The following B3GALT1 variants were observed in gnomAD, a reference collection of about 807,000 sequenced individuals.
The protein encoded by B3GALT1 is beta-1,3-galactosyltransferase 1, also known as UDP-Gal:betaGlcNAc beta 1,3-galactosyltransferase, polypeptide 1.
B3GALT1 carries 10 observed loss-of-function variants against 23.2 expected under a neutral mutation model. That is an observed-to-expected ratio of 0.43 (90% CI 0.27 to 0.73). B3GALT1 has a LOEUF of 0.73. Among genes scored for constraint, B3GALT1 ranks in the 30% least tolerant of loss-of-function variants. The pLI is 0.21. For missense variants in B3GALT1, 299 were observed against 405.4 expected (o/e 0.74, Z 2.25); for synonymous variants, 156 against 141.5 (o/e 1.10, Z -0.73).
At chr2:167,458,312 A>T (rs1475552109) in intron 1 of B3GALT1, among the ~76,000 whole-genome samples, 1 of 152,228 alleles carries the variant, frequency 6.6e-6, no homozygotes, top group Non-Finnish European at 1.5e-5. Flanking sequence ...GCTAAATAAG[A>T]TTCCAGTGTA....
chr2:167,308,835 G>A (rs778150988), intron 1 of B3GALT1, among the ~76,000 whole-genome samples: 1 of 151,976 alleles, frequency 6.6e-6, no homozygotes, highest in East Asian at 1.9e-4. Context: ...CTTTTCATCT[G>A]TACGAAATCC....
intron 1 of B3GALT1, among the ~76,000 whole-genome samples, chr2:167,353,030 A>G (rs1380059560): frequency 6.6e-6 from 1 of 152,226 alleles, no homozygotes; most frequent in Non-Finnish European, 1.5e-5. Flanking sequence ...TAAGAGTGAG[A>G]AAGTAGAAGG....
chr2:167,806,948 A>T (rs527605098), intron 3 of B3GALT1, among the ~76,000 whole-genome samples: 1 of 152,182 alleles, frequency 6.6e-6, no homozygotes, highest in African/African-American at 2.4e-5. Flanking sequence ...CTGGTCCTGG[A>T]CTTTTTTTGG....
At chr2:167,461,204 G>A (rs917141076) in intron 1 of B3GALT1, among the ~76,000 whole-genome samples, 2 of 152,226 alleles carry the variant, frequency 1.3e-5, no homozygotes, top group Non-Finnish European at 2.9e-5. Context: ...CACAAGCCAT[G>A]TACCAATTGC....
intron 4 of B3GALT1, among the ~76,000 whole-genome samples, chr2:167,822,533 G>A (rs533793599): frequency 5.3e-5 from 8 of 152,150 alleles, no homozygotes; most frequent in Non-Finnish European, 1.2e-4. Context: ...CTTAAAGAAG[G>A]AGCACAGGAA....
At chr2:167,657,880 AC>A (rs1685982446) in intron 3 of B3GALT1, among the ~76,000 whole-genome samples, 1 of 152,152 alleles carries the variant, frequency 6.6e-6, no homozygotes, top group Admixed American at 6.5e-5. Context: ...TATTTTGATG[AC>A]CCAAGCATAC....
At chr2:167,778,216 T>C (rs1418028308) in intron 3 of B3GALT1, among the ~76,000 whole-genome samples, 1 of 152,164 alleles carries the variant, frequency 6.6e-6, no homozygotes, top group Non-Finnish European at 1.5e-5. Flanking sequence ...TCTCCTTAAC[T>C]CTGAATTGGT....
chr2:167,646,573 A>G (rs1685751558), intron 2 of B3GALT1, among the ~76,000 whole-genome samples: 2 of 152,192 alleles, frequency 1.3e-5, no homozygotes, highest in Admixed American at 6.5e-5. Flanking sequence ...TTCTAATGAT[A>G]CTTGTAGTCA....
intron 1 of B3GALT1, among the ~76,000 whole-genome samples, chr2:167,463,179 G>C (rs146889869): frequency 6.6e-6 from 1 of 151,838 alleles, no homozygotes; most frequent in African/African-American, 2.4e-5. Context: ...GGCAAAATTA[G>C]GACTTCATTG....
At chr2:167,780,009 T>A (rs1398262195) in intron 3 of B3GALT1, among the ~76,000 whole-genome samples, 1 of 152,216 alleles carries the variant, frequency 6.6e-6, no homozygotes, top group Admixed American at 6.5e-5. Flanking sequence ...CTAAAGCCAT[T>A]TGTTAACTGC....
chr2:167,733,583 C>A (rs1687443854), intron 3 of B3GALT1, among the ~76,000 whole-genome samples: 1 of 152,104 alleles, frequency 6.6e-6, no homozygotes, highest in South Asian at 2.1e-4. Flanking sequence ...AAATTGCCTA[C>A]AATTTGATTG....
chr2:167,484,710 GGCA>G, intron 1 of B3GALT1, among the ~76,000 whole-genome samples: 1 of 152,120 alleles, frequency 6.6e-6, no homozygotes, highest in Admixed American at 6.5e-5. Context: ...GGCAATAGGT[GGCA>G]AATGTTTCCT....
rs1365773645 is a variant in B3GALT1 at position 167,430,290 on chromosome 2, A to G, written c.-510-59887A>G. Among the ~76,000 whole-genome samples the G allele has an allele frequency of 2.0e-5, 3 of 152,290 alleles. No individual in the cohort carries two copies. The South Asian group carries it at 6.2e-4, about 32-fold the overall frequency. ...TGGCTGAAGAAAGGGAATTAGGAGG[A>G]GAGTGATAGATGAAGTCAAGGAGTT... On this transcript the variant is annotated intron_variant, in intron 1 of 4. Transcript: ENST00000392690.
chr2:167,691,170 G>C (rs1044237948), intron 3 of B3GALT1, among the ~76,000 whole-genome samples: 2 of 151,988 alleles, frequency 1.3e-5, no homozygotes, highest in African/African-American at 4.8e-5. Context: ...CTTATAAGTA[G>C]GTCTAGATCA....
rs530013511 is a variant in B3GALT1, at chr2:167,499,104, A to G, written c.-410+8827A>G. On this transcript the variant is annotated intron_variant, in intron 2 of 4. Coordinates refer to ENST00000392690, the MANE Select transcript of B3GALT1 (RefSeq NM_020981.4). ...ATTCTGTAGTTCCTGTAATTGCAACATGATGAGATTCTCATTGCTTTTAAT... is the reference window on the plus strand; with the variant it reads ...ATTCTGTAGTTCCTGTAATTGCAACGTGATGAGATTCTCATTGCTTTTAAT... 1.2e-3 allele frequency among the ~76,000 whole-genome samples: 178 copies of G among 152,290 alleles called. 3 individuals carry two copies. The highest frequency in any genetic ancestry group is 3.4e-3 in the Middle Eastern group (1 of 294).
intron 1 of B3GALT1, among the ~76,000 whole-genome samples, chr2:167,319,458 A>G (rs572242396): frequency 1.3e-5 from 2 of 152,256 alleles, no homozygotes; most frequent in Admixed American, 6.5e-5. Context: ...TCAAATACCT[A>G]TGCAAACACA....
intron 4 of B3GALT1, among the ~76,000 whole-genome samples, chr2:167,838,081 T>C (rs1421982351): frequency 6.8e-6 from 1 of 148,112 alleles, no homozygotes; most frequent in Non-Finnish European, 1.5e-5. Flanking sequence ...GCAGGAAAGA[T>C]CCAAAATTGA....
At chr2:167,774,009 A>G (rs909935887) in intron 3 of B3GALT1, among the ~76,000 whole-genome samples, 1 of 152,258 alleles carries the variant, frequency 6.6e-6, no homozygotes, top group African/African-American at 2.4e-5. Flanking sequence ...AGATATTCCA[A>G]CTGAAGTGGT....
chr2:167,798,912 G>A (rs16854217), intron 3 of B3GALT1, among the ~76,000 whole-genome samples: 31,153 of 152,048 alleles, frequency 0.2, 3,727 homozygotes, highest in African/African-American at 0.31. Context: ...TCTAAAAGCT[G>A]TTGTCTTCTT....
Sources: allele counts gnomAD v4.1 joint callset (sites outside exome capture counted in the v4.1 genomes callset), GRCh38; gene constraint gnomAD v4.1.1; transcripts MANE v1.5; gene names NCBI Gene and HGNC (gene_info 2026-07-23, HGNC 2026-07-21).